Variants in CACNA2D4 observed in about 807,000 individuals in gnomAD.
CACNA2D4 encodes calcium voltage-gated channel auxiliary subunit alpha2delta 4, also known as voltage-dependent calcium channel subunit alpha-2/delta-4.
A neutral mutation model predicts 163.8 loss-of-function variants in CACNA2D4; 157 were observed. That is an observed-to-expected ratio of 0.96 (90% CI 0.84 to 1.09). CACNA2D4 has a LOEUF of 1.09. Among genes scored for constraint, CACNA2D4 ranks in the 50% least tolerant of loss-of-function variants. The probability of loss-of-function intolerance (pLI) is 0.00; values close to 1 mark genes in which losing one functional copy is unlikely to be tolerated. For missense variants in CACNA2D4, 1,410 were observed against 1,479.9 expected, an observed-to-expected ratio of 0.95 and a Z score of 0.78; for synonymous variants, 598 against 586.9, an observed-to-expected ratio of 1.02 and a Z score of -0.27.
At chr12:1,885,904 A>G (rs1866127769) in intron 9 of CACNA2D4, 61 bp downstream of exon 9, 1 of 1,236,048 alleles carries the variant, frequency 8.1e-7, no homozygotes, top group African/African-American at 1.5e-5. Flanking sequence ...TACAGAGACA[A>G]CCGCCCACCA....
At chr12:1,822,452 C>T (rs1012231690) in intron 26 of CACNA2D4, among the ~76,000 whole-genome samples, 8 of 151,312 alleles carry the variant, frequency 5.3e-5, no homozygotes, top group Non-Finnish European at 8.8e-5. Context: ...CTGGGAATAC[C>T]ACCCTGAGCC....
chr12:1,896,146 G>A lies in CACNA2D4; in HGVS notation c.782-9077C>T, dbSNP rs181971935. 3.9e-5 allele frequency among the ~76,000 whole-genome samples: 6 copies of A among 152,216 alleles called. No homozygotes were observed. The East Asian group carries it at 7.7e-4, about 20-fold the overall frequency. On this transcript the variant is annotated intron_variant, in intron 6 of 37. Transcript: ENST00000382722. ...AACTATAAAGCTACTAGAAGAAAAC[G>A]TAGGGGAAATACTTAAGAACATTAG... is the stretch of plus-strand genomic sequence containing the variant.
intron 26 of CACNA2D4, among the ~76,000 whole-genome samples, chr12:1,822,374 C>T (rs1196645569): frequency 6.6e-6 from 1 of 152,056 alleles, no homozygotes; most frequent in Non-Finnish European, 1.5e-5. Context: ...AGAAAGGAGC[C>T]AGCATAGAGG....
chr12:1,834,326 C>G lies in CACNA2D4; in HGVS notation c.2551+6413G>C. On this transcript the variant is annotated intron_variant, in intron 26 of 37. Coordinates refer to ENST00000382722, the MANE Select transcript of CACNA2D4 (RefSeq NM_172364.5). This position sits in a 1 kb window ranked among gnomAD's most constrained non-coding sequence, Gnocchi z 7.6. ...CAAGGAGCTGAGGGGGAAGGACATG[C>G]GGATGGTCCCCATGGAGATGTTCAA... 1 of 1,610,794 alleles carries G rather than the reference C, an allele frequency of 6.2e-7. No homozygotes were observed. Among genetic ancestry groups the G allele is most frequent in the Non-Finnish European group, 8.5e-7 (1 of 1,178,600 alleles).
At chr12:1,886,474 G>C (rs1866149188) in intron 7 of CACNA2D4, 101 bp from the exon 8 acceptor site, 2 of 1,151,086 alleles carry the variant, frequency 1.7e-6, no homozygotes, top group Non-Finnish European at 2.5e-6. Context: ...GCTGGCTCGA[G>C]CCCACCCAAA....
intron 26 of CACNA2D4, among the ~76,000 whole-genome samples, chr12:1,823,865 G>T (rs983514774): frequency 6.6e-6 from 1 of 152,172 alleles, no homozygotes; most frequent in Non-Finnish European, 1.5e-5. Context: ...GAGGAAAGGC[G>T]GCATCTTCCT....
At chr12:1,898,373 T>TCAA (rs60530609) in intron 6 of CACNA2D4, among the ~76,000 whole-genome samples, 22,796 of 151,476 alleles carry the variant, frequency 0.15, 1,941 homozygotes, top group African/African-American at 0.24. Context: ...CTCCTATGAC[T>TCAA]CAACAACAAC....
chr12:1,912,378 C>T (rs1866846618), intron 3 of CACNA2D4, among the ~76,000 whole-genome samples: 1 of 152,202 alleles, frequency 6.6e-6, no homozygotes, highest in African/African-American at 2.4e-5. Context: ...GACACTTCAC[C>T]CCAGAGAAGG....
chr12:1,884,604 G>A (rs1866088581), intron 11 of CACNA2D4, among the ~76,000 whole-genome samples, 164 bp downstream of exon 11: 1 of 152,080 alleles, frequency 6.6e-6, no homozygotes, highest in Non-Finnish European at 1.5e-5. Flanking sequence ...GTCTCGGGTA[G>A]CCATAATTTT....
chr12:1,823,351 G>A (rs1164028618), intron 26 of CACNA2D4: 2 of 152,210 alleles, frequency 1.3e-5, no homozygotes, highest in Non-Finnish European at 2.9e-5. Context: ...AAATGGAAGG[G>A]GCAGGTGCAT....
At chr12:1,873,010 A>G (rs1323160981) in intron 18 of CACNA2D4, among the ~76,000 whole-genome samples, 2 of 152,304 alleles carry the variant, frequency 1.3e-5, no homozygotes, top group African/African-American at 2.4e-5. Context: ...TGGGCTTTGC[A>G]GTTGATCATC....
Position 1,878,321 on chromosome 12 carries a change from C to T in CACNA2D4, c.1713G>A (p.Arg571=), listed in dbSNP as rs1278725231. ...AAAGAAGATCTGTACCTACCAGGGG[C>T]CGGAGGTCGGGATGGGAGAGGATGT... The part of the protein sequence containing the change: ...NGYILSHPDL[R]PLYREGKKLK... The change falls in exon 16 of 38, where the codon CGG becomes CGA. Residue 571 remains arginine, a synonymous_variant. Transcript: ENST00000382722. The surrounding 1 kb of genome is among the most constrained non-coding windows in gnomAD (Gnocchi z 4.6). The T allele has an allele frequency of 6.2e-7, 1 of 1,609,028 alleles. No homozygotes were observed. The highest frequency in any genetic ancestry group is 8.5e-7 in the Non-Finnish European group (1 of 1,177,950).
At chr12:1,862,601 C>T (rs976153260) in intron 18 of CACNA2D4, among the ~76,000 whole-genome samples, 3 of 152,008 alleles carry the variant, frequency 2.0e-5, no homozygotes, top group Admixed American at 6.6e-5. Flanking sequence ...TTAGTAGAGA[C>T]GGGGTTTCAT....
intron 27 of CACNA2D4, 97 bp downstream of exon 27, chr12:1,811,565 C>T: frequency 7.8e-7 from 1 of 1,275,794 alleles, no homozygotes; most frequent in Middle Eastern, 2.1e-4. Context: ...CTGAGAGCCT[C>T]AAGGCAGTGG....
Position 1,799,701 on chromosome 12 carries a change from C to T in CACNA2D4, c.2975-6G>A, listed in dbSNP as rs565275719. ...GTGATGGAAGACACTTTTGGCTGGCCGGAACATAAGCCCAGCACAGGGTGG... is the reference window on the plus strand; with the variant it reads ...GTGATGGAAGACACTTTTGGCTGGCTGGAACATAAGCCCAGCACAGGGTGG... On this transcript the variant is annotated splice_region_variant and splice_polypyrimidine_tract_variant and intron_variant, in intron 33 of 37. Transcript: ENST00000382722. The surrounding 1 kb of genome is among the most constrained non-coding windows in gnomAD (Gnocchi z 4.7). 1.2e-5 allele frequency: 19 copies of T among 1,570,604 alleles called. No homozygotes were observed. The highest frequency in any genetic ancestry group is 7.5e-5 in the Admixed American group (4 of 53,436).
intron 22 of CACNA2D4, among the ~76,000 whole-genome samples, chr12:1,854,642 G>C (rs1262683014): frequency 6.6e-6 from 1 of 152,124 alleles, no homozygotes; most frequent in Non-Finnish European, 1.5e-5. Flanking sequence ...CTGACCTCAA[G>C]TGATCTGCCC....
At chr12:1,898,373 T>TCAACAA (rs60530609) in intron 6 of CACNA2D4, among the ~76,000 whole-genome samples, 15 of 151,536 alleles carry the variant, frequency 9.9e-5, no homozygotes, top group East Asian at 5.8e-4. Context: ...CTCCTATGAC[T>TCAACAA]CAACAACAAC....
intron 3 of CACNA2D4, 88 bp from the exon 4 acceptor site, chr12:1,910,053 G>T: frequency 9.7e-7 from 1 of 1,033,644 alleles, no homozygotes; most frequent in Non-Finnish European, 1.5e-6. Flanking sequence ...GGGTGACCCA[G>T]CAATCCCACT....
intron 3 of CACNA2D4, among the ~76,000 whole-genome samples, 195 bp from the exon 4 acceptor site, chr12:1,910,160 C>T (rs1281077903): frequency 2.0e-5 from 3 of 152,248 alleles, no homozygotes; most frequent in African/African-American, 7.2e-5. Context: ...ACAAAAGGCA[C>T]ACACATATGG....
Sources: allele counts gnomAD v4.1 joint callset (sites outside exome capture counted in the v4.1 genomes callset), GRCh38; gene constraint gnomAD v4.1.1; non-coding constraint Gnocchi (gnomAD v3.1); transcripts MANE v1.5; gene names NCBI Gene and HGNC (gene_info 2026-07-23, HGNC 2026-07-21).